LARGE1: variants seen among roughly 807,000 people sequenced by gnomAD.
LARGE1 encodes the protein xylosyl- and glucuronyltransferase LARGE1.
In LARGE1, 43 loss-of-function variants were observed where a neutral mutation model predicts 87.6. That is an observed-to-expected ratio of 0.49 (90% confidence interval 0.38 to 0.63). The LOEUF (loss-of-function observed/expected upper bound fraction) is 0.63, where lower values mean the gene tolerates loss of function less well. Ranked by LOEUF, LARGE1 falls within the 30% of genes least tolerant of loss-of-function variation. The pLI is 0.00. For synonymous variants in LARGE1, 434 were observed against 394.6 expected (o/e 1.10, Z -1.18); for missense variants, 802 against 1,000.2 (o/e 0.80, Z 2.67).
At chr22:33,423,258 T>C (rs150120605) in intron 7 of LARGE1, among the ~76,000 whole-genome samples, 1 of 152,270 alleles carries the variant, frequency 6.6e-6, no homozygotes, top group Middle Eastern at 3.4e-3. Context: ...CTGACCACTT[T>C]ATTAGGTCAT....
At chr22:33,392,456 C>G (rs912237317) in intron 7 of LARGE1, among the ~76,000 whole-genome samples, 1 of 152,044 alleles carries the variant, frequency 6.6e-6, no homozygotes, top group South Asian at 2.1e-4. Flanking sequence ...GTCAGGAGTT[C>G]GAGACCAGCC....
At chr22:33,609,417 A>C (rs1296301594) in intron 4 of LARGE1, among the ~76,000 whole-genome samples, 1 of 152,216 alleles carries the variant, frequency 6.6e-6, no homozygotes, top group Non-Finnish European at 1.5e-5. Flanking sequence ...GGAGGAGCAC[A>C]AAAGCTACAT....
At chr22:33,911,243 C>T (rs1349706721) in intron 1 of LARGE1, among the ~76,000 whole-genome samples, 1 of 152,092 alleles carries the variant, frequency 6.6e-6, no homozygotes, top group Non-Finnish European at 1.5e-5. Context: ...TCTTGACCTC[C>T]CTTAGGTCTG....
intron 1 of LARGE1, among the ~76,000 whole-genome samples, chr22:33,854,046 C>G (rs1310778182): frequency 6.6e-6 from 1 of 151,928 alleles, no homozygotes; most frequent in Non-Finnish European, 1.5e-5. Flanking sequence ...AGAGGCTGAA[C>G]AAGATAAATT....
At chr22:33,534,099 C>A (rs1264770862) in intron 6 of LARGE1, among the ~76,000 whole-genome samples, 1 of 152,062 alleles carries the variant, frequency 6.6e-6, no homozygotes, top group Non-Finnish European at 1.5e-5. Flanking sequence ...TGACTGCAGG[C>A]CTTCACTAAA....
In LARGE1 at chr22:33,274,099, A is replaced by G. The variant is rs1928675994; in HGVS notation, c.*328T>C. 3 of 479,450 alleles carry G rather than the reference A, an allele frequency of 6.3e-6. No individual in the cohort carries two copies. The highest frequency in any genetic ancestry group is 3.4e-5 in the Admixed American group (1 of 29,104). The allele number at this position is 479,450 out of a possible 1,614,324, so 29.7% of individuals were successfully genotyped here. On this transcript the variant is annotated 3_prime_UTR_variant, in exon 15 of 15. Coordinates refer to ENST00000397394, the MANE Select transcript of LARGE1 (RefSeq NM_133642.5). ...ATAATTATTAAAAAGCATCCAGAAC[A>G]TCCTAAAGCCCTGCCCTGATCTTGT...
At chr22:33,223,665 T>G (rs755264670) in intron 11 of LARGE1, among the ~76,000 whole-genome samples, 5 of 152,166 alleles carry the variant, frequency 3.3e-5, no homozygotes, top group Admixed American at 6.5e-5. Context: ...CTCATGCAAT[T>G]CAGCCCCTCA....
chr22:33,134,990 A>T, the LARGE1 span, among the ~76,000 whole-genome samples: 2 of 152,204 alleles, frequency 1.3e-5, no homozygotes, highest in African/African-American at 4.8e-5. Flanking sequence ...CCTGGTTTAG[A>T]GCCAGGAAAG....
intron 11 of LARGE1, among the ~76,000 whole-genome samples, chr22:33,224,794 G>A (rs906217505): frequency 2.6e-5 from 4 of 152,242 alleles, no homozygotes; most frequent in Non-Finnish European, 5.9e-5. Flanking sequence ...AGAACAAGGA[G>A]AGGCAGGACA....
chr22:33,192,134 T>A (rs1033917772), intron 11 of LARGE1, among the ~76,000 whole-genome samples: 4 of 152,258 alleles, frequency 2.6e-5, no homozygotes, highest in African/African-American at 7.2e-5. Flanking sequence ...CTATTGTTTA[T>A]GAAAGGCAAG....
At position 33,551,993 on chromosome 22, in the gene LARGE1, CAAAAAAAAAA is replaced by C. The variant is rs10674621; in HGVS notation, c.787+12845_787+12854del. Among the ~76,000 whole-genome samples, 7 of 72,888 alleles carry C rather than the reference CAAAAAAAAAA, an allele frequency of 9.6e-5. No individual in the cohort carries two copies. In the South Asian group the frequency reaches 2.2e-3, roughly 23 times the overall value. The allele number at this position is 72,888 out of a possible 152,430, so 47.8% of individuals were successfully genotyped here. A position where few individuals can be genotyped will look rare whatever the true frequency, so the allele number is the denominator to read the frequency against. On this transcript the variant is annotated intron_variant, in intron 6 of 14. Transcript: ENST00000397394. ...TGGGCGACAGAGCAAGGCTCCGTCT[CAAAAAAAAAA>C]AAAAAAAAAAAAGTGATCTAGCTAA...
At chr22:33,474,857 T>C (rs1322498608) in intron 6 of LARGE1, among the ~76,000 whole-genome samples, 2 of 152,218 alleles carry the variant, frequency 1.3e-5, no homozygotes, top group Non-Finnish European at 2.9e-5. Context: ...GCAATGCTCC[T>C]GCATCCAAAA....
At chr22:33,616,825 A>G (rs2079595196) in intron 4 of LARGE1, among the ~76,000 whole-genome samples, 1 of 152,208 alleles carries the variant, frequency 6.6e-6, no homozygotes, top group Non-Finnish European at 1.5e-5. Context: ...GGAGGAAATG[A>G]GTAGTATTGG....
chr22:33,446,449 T>C (rs2067689677), intron 6 of LARGE1, among the ~76,000 whole-genome samples: 1 of 152,130 alleles, frequency 6.6e-6, no homozygotes. Context: ...GATGGTGGTT[T>C]TGTGGGATGG....
intron 1 of LARGE1, among the ~76,000 whole-genome samples, chr22:33,784,981 ACAT>A (rs1358512510): frequency 6.6e-6 from 1 of 151,094 alleles, no homozygotes; most frequent in African/African-American, 2.4e-5. Context: ...GTGTATACAT[ACAT>A]ATGTGTACGT....
intron 7 of LARGE1, among the ~76,000 whole-genome samples, chr22:33,420,193 T>A (rs1182450994): frequency 6.6e-6 from 1 of 152,172 alleles, no homozygotes; most frequent in African/African-American, 2.4e-5. Flanking sequence ...AACACTTATC[T>A]TCCAAAATTA....
the LARGE1 span, among the ~76,000 whole-genome samples, chr22:33,129,840 GC>G: frequency 5.9e-5 from 9 of 152,136 alleles, no homozygotes; most frequent in Admixed American, 5.9e-4. Flanking sequence ...GGGGCAAACG[GC>G]CCCCGTGATC....
chr22:33,879,126 C>T (rs1031587359), intron 1 of LARGE1, among the ~76,000 whole-genome samples: 8 of 152,140 alleles, frequency 5.3e-5, no homozygotes, highest in Non-Finnish European at 8.8e-5. Flanking sequence ...GCATGCGCCA[C>T]GATGCCTGGC....
intron 1 of LARGE1, among the ~76,000 whole-genome samples, chr22:33,773,032 A>G (rs944827521): frequency 1.3e-5 from 2 of 152,176 alleles, no homozygotes; most frequent in Non-Finnish European, 2.9e-5. Flanking sequence ...CCCTGAGGCA[A>G]TGGGGTACTG....
Sources: allele counts gnomAD v4.1 joint callset (sites outside exome capture counted in the v4.1 genomes callset), GRCh38; gene constraint gnomAD v4.1.1; transcripts MANE v1.5; gene names NCBI Gene and HGNC (gene_info 2026-07-23, HGNC 2026-07-21).